The following FUOM variants were observed in gnomAD, a reference collection of about 807,000 sequenced individuals.
FUOM encodes the protein protein fucU homolog.
In FUOM, 19 loss-of-function variants were observed where a neutral mutation model predicts 18.3. The observed-to-expected ratio is 1.04, with a 90% CI of 0.73 to 1.53. The LOEUF is 1.53. Ranked by LOEUF, FUOM falls within the 40% of genes most tolerant of loss-of-function variation. The probability of loss-of-function intolerance (pLI) is 0.00; values close to 1 mark genes in which losing one functional copy is unlikely to be tolerated. For missense variants in FUOM, 210 were observed against 200.9 expected (o/e 1.04, Z -0.27); for synonymous variants, 102 against 87.9 (o/e 1.16, Z -0.90).
rs1848867235 is a variant in FUOM, at chr10:133,357,950, C to T, written c.58G>A (p.Ala20Thr). ...ATCTCGTCCCCGTGCCCCATCCGCGCCAGCGCGTAGAGCAGCTCGGGGGAC... is the reference window on the plus strand; with the variant it reads ...ATCTCGTCCCCGTGCCCCATCCGCGTCAGCGCGTAGAGCAGCTCGGGGGAC... Reference protein sequence around the residue: ...LLSPELLYALARMGHGDEIVL... With the variant: ...LLSPELLYALTRMGHGDEIVL... Residue 20 changes from alanine to threonine, a missense_variant, in exon 1 of 6, where the codon GCG becomes ACG. Ala to Thr is a moderately conservative substitution (Grantham distance 58). Coordinates refer to ENST00000278025, the MANE Select transcript of FUOM (RefSeq NM_001098483.3). 1.3e-6 allele frequency: 2 copies of T among 1,526,442 alleles called. No individual in the cohort carries two copies. Among genetic ancestry groups the T allele is most frequent in the Non-Finnish European group, 1.8e-6 (2 of 1,140,530 alleles). 94.6% of individuals were successfully genotyped at this position (1,526,442 alleles called of 1,614,324 possible).
downstream of FUOM, among the ~76,000 whole-genome samples, chr10:133,353,112 G>A (rs773232590): frequency 2.6e-5 from 4 of 152,238 alleles, no homozygotes; most frequent in Non-Finnish European, 4.4e-5. Flanking sequence ...GCAGGAGCCT[G>A]AGACAGGGTC....
intron 4 of FUOM, among the ~76,000 whole-genome samples, chr10:133,356,026 T>C (rs1848783511): frequency 1.3e-5 from 2 of 152,174 alleles, no homozygotes; most frequent in South Asian, 4.1e-4. Flanking sequence ...GAACCTGCCA[T>C]GCTTGGGTCT....
In FUOM at chr10:133,355,169, A is replaced by G; in HGVS notation, c.*201T>C. 1 of 617,594 alleles carries G rather than the reference A, an allele frequency of 1.6e-6. No homozygotes were observed. The highest frequency in any genetic ancestry group is 2.8e-6 in the Non-Finnish European group (1 of 354,076). 38.3% of individuals were successfully genotyped at this position (617,594 alleles called of 1,614,324 possible). A position where few individuals can be genotyped will look rare whatever the true frequency, so the allele number is the denominator to read the frequency against. On this transcript the variant is annotated 3_prime_UTR_variant, in exon 6 of 6. Transcript: ENST00000278025. ...GAACAGAGCTGGAATTGGACTCTTG[A>G]GACTGAACGTTTTTCCATCATTTTC...
At chr10:133,354,657 C>A (rs891198206), downstream of FUOM, among the ~76,000 whole-genome samples, 5 of 152,186 alleles carry the variant, frequency 3.3e-5, no homozygotes, top group Non-Finnish European at 5.9e-5. Context: ...CATGGGCAAG[C>A]CTCCCAGGCA....
chr10:133,355,487 C>T (rs762864791), intron 5 of FUOM, 51 bp from the exon 6 acceptor site: 18 of 1,606,266 alleles, frequency 1.1e-5, no homozygotes, highest in East Asian at 2.2e-5. Flanking sequence ...GCCAGGGTGC[C>T]GAGACCCTGC....
chr10:133,353,423 TGA>T (rs749310073), downstream of FUOM, among the ~76,000 whole-genome samples: 306 of 152,132 alleles, frequency 2.0e-3, 3 homozygotes, highest in Non-Finnish European at 1.6e-3. Context: ...ATCCCTATGG[TGA>T]GAGAGAAGCA....
chr10:133,354,448 C>T (rs2153818), downstream of FUOM, among the ~76,000 whole-genome samples: 1 of 152,124 alleles, frequency 6.6e-6, no homozygotes, highest in African/African-American at 2.4e-5. Context: ...CTTGCCCCCT[C>T]GAGCCCCGGG....
chr10:133,355,820 C>A lies in FUOM; in HGVS notation c.325-9G>T. 2 of 1,612,080 alleles carry A rather than the reference C, an allele frequency of 1.2e-6. No individual in the cohort carries two copies. On this transcript the variant is annotated splice_polypyrimidine_tract_variant and intron_variant, in intron 4 of 5. Coordinates refer to ENST00000278025, the MANE Select transcript of FUOM (RefSeq NM_001098483.3). ...ATCTTTGCCAGGGCTCTCTGGAAGA[C>A]AAAATGGCAGGGTTGGAGGGAACCC...
downstream of FUOM, among the ~76,000 whole-genome samples, chr10:133,354,998 C>T (rs1848740150): frequency 6.6e-6 from 1 of 152,178 alleles, no homozygotes; most frequent in African/African-American, 2.4e-5. Flanking sequence ...CCACTCCAGC[C>T]CTTGGTGTCC....
chr10:133,353,172 C>A (rs549652690), downstream of FUOM, among the ~76,000 whole-genome samples: 1 of 152,132 alleles, frequency 6.6e-6, no homozygotes, highest in South Asian at 2.1e-4. Flanking sequence ...GCTGAACGGA[C>A]GTGCATGTGC....
chr10:133,353,886 C>T (rs1327189169), downstream of FUOM, among the ~76,000 whole-genome samples: 1 of 151,862 alleles, frequency 6.6e-6, no homozygotes, highest in African/African-American at 2.4e-5. Flanking sequence ...ACTCCCTGAG[C>T]CCCAGGCAGG....
In FUOM at chr10:133,357,404, G is replaced by A. The variant is rs561350897; in HGVS notation, c.86-149C>T. On this transcript the variant is annotated intron_variant, in intron 1 of 5. Transcript: ENST00000278025. ...TGGGCGCCCCCACCGCCGACCGGCC[G>A]CAGTCAGATCCGCAGGGCTGGAAGC... 2.4e-5 allele frequency: 18 copies of A among 762,406 alleles called. No homozygotes were observed. In the African/African-American group the frequency reaches 2.7e-4, roughly 12 times the overall value. The allele number at this position is 762,406 out of a possible 1,614,324, so 47.2% of individuals were successfully genotyped here.
In FUOM at chr10:133,357,993, C is replaced by A. The variant is rs749267993; in HGVS notation, c.15G>T (p.Lys5Asn). ...CGGGGGACAGCAGTGCGGGGACACCCTTCAGCGCCACCATGGCCCGGCAGA... is the reference window on the plus strand; with the variant it reads ...CGGGGGACAGCAGTGCGGGGACACCATTCAGCGCCACCATGGCCCGGCAGA... Reference protein sequence around the residue: MVALKGVPALLSPEL... With the variant: MVALNGVPALLSPEL... The change falls in exon 1 of 6, where the codon AAG (lysine) becomes AAT (asparagine). Residue 5 changes from lysine to asparagine, a missense_variant. Transcript: ENST00000278025. 9 of 1,509,690 alleles carry A rather than the reference C, an allele frequency of 6.0e-6. No individual in the cohort carries two copies. The Admixed American group carries it at 1.9e-4, about 31-fold the overall frequency. 93.5% of individuals were successfully genotyped at this position (1,509,690 alleles called of 1,614,324 possible).
At chr10:133,355,475 G>T in intron 5 of FUOM, 39 bp from the exon 6 acceptor site, 1 of 1,607,594 alleles carries the variant, frequency 6.2e-7, no homozygotes, top group Non-Finnish European at 8.5e-7. Flanking sequence ...CTGGGCTGCA[G>T]GGCCAGGGTG....
intron 4 of FUOM, 143 bp from the exon 5 acceptor site, chr10:133,355,954 C>T (rs1848781672): frequency 8.2e-6 from 6 of 734,640 alleles, no homozygotes; most frequent in South Asian, 1.6e-5. Context: ...AAGGGCCCCA[C>T]GGTCACTCAG....
chr10:133,355,752 A>T lies in FUOM; in HGVS notation c.384T>A (p.Ala128=). 6.2e-7 allele frequency: 1 copy of T among 1,613,366 alleles called. No homozygotes were observed. Among genetic ancestry groups the T allele is most frequent in the Non-Finnish European group, 8.5e-7 (1 of 1,180,004 alleles). ...EFYERAKKAF[A]VVATGETALY... The stretch of plus-strand genomic sequence containing the variant: ...CTGGAACTCACCCCGTTGCCACAAC[A>T]GCAAAAGCCTTCTTAGCCCGTTCAT... Residue 128 remains alanine, a synonymous_variant, in exon 5 of 6, where the codon GCT becomes GCA. Transcript: ENST00000278025.
chr10:133,355,832 G>A, intron 4 of FUOM, 21 bp from the exon 5 acceptor site: 1 of 1,606,074 alleles, frequency 6.2e-7, no homozygotes, highest in Non-Finnish European at 8.5e-7. Context: ...AAATGGCAGG[G>A]TTGGAGGGAA....
chr10:133,353,485 G>A (rs1848715900), downstream of FUOM, among the ~76,000 whole-genome samples: 1 of 152,204 alleles, frequency 6.6e-6, no homozygotes, highest in Non-Finnish European at 1.5e-5. Context: ...AGCTCCAGCA[G>A]CTAAGACAGA....
chr10:133,357,427 A>G, intron 1 of FUOM, 172 bp from the exon 2 acceptor site: 1 of 680,600 alleles, frequency 1.5e-6, no homozygotes, highest in Admixed American at 2.3e-5. Flanking sequence ...CAGGGCTGGA[A>G]GCCACGCGGG....
Sources: gnomAD v4.1 joint callset for allele counts (sites outside exome capture counted in the v4.1 genomes callset) on GRCh38, gnomAD v4.1.1 for gene constraint, MANE v1.5 for transcripts, NCBI Gene and HGNC (gene_info 2026-07-23, HGNC 2026-07-21) for gene names.